The following AMN1 variants were observed in gnomAD, a reference collection of about 807,000 sequenced individuals.
The protein encoded by AMN1 is antagonist of mitotic exit network 1 homolog.
AMN1 carries 20 observed loss-of-function variants against 33.0 expected under a neutral mutation model. That is an observed-to-expected ratio of 0.61 (90% confidence interval 0.43 to 0.88). The LOEUF is 0.88. Among genes scored for constraint, AMN1 ranks in the 40% least tolerant of loss-of-function variants. The probability of loss-of-function intolerance (pLI) is 0.00; values close to 1 mark genes in which losing one functional copy is unlikely to be tolerated. For synonymous variants in AMN1, 114 were observed against 111.9 expected (o/e 1.02, Z -0.12); for missense variants, 246 against 307.4 (o/e 0.80, Z 1.49).
chr12:31,711,017 C>A (rs1397166101), intron 1 of AMN1, among the ~76,000 whole-genome samples: 5 of 152,064 alleles, frequency 3.3e-5, no homozygotes, highest in African/African-American at 4.8e-5. Flanking sequence ...TCAAGCAATT[C>A]TTCTGCCTCA....
intron 1 of AMN1, among the ~76,000 whole-genome samples, chr12:31,724,555 T>C (rs953777941): frequency 2.6e-5 from 4 of 152,214 alleles, no homozygotes; most frequent in African/African-American, 9.6e-5. Flanking sequence ...TTTTTTACCA[T>C]GGTTGACTGC....
intron 5 of AMN1, among the ~76,000 whole-genome samples, chr12:31,692,612 C>T (rs1048055989): frequency 6.6e-6 from 1 of 151,884 alleles, no homozygotes. Context: ...CCTATTAATC[C>T]ATTTGTTCCA....
At chr12:31,706,311 CAAAAAA>C (rs3032986) in intron 2 of AMN1, among the ~76,000 whole-genome samples, 275 of 65,996 alleles carry the variant, frequency 4.2e-3, no homozygotes, top group African/African-American at 7.4e-3. Flanking sequence ...GACTCCGTCT[CAAAAAA>C]AAAAAAAAAA....
chr12:31,720,386 C>T (rs1939836908), intron 1 of AMN1, among the ~76,000 whole-genome samples: 1 of 152,032 alleles, frequency 6.6e-6, no homozygotes, highest in African/African-American at 2.4e-5. Flanking sequence ...ACCAAAAATA[C>T]AAAATTAGCC....
chr12:31,728,591 A>G (rs965579239), intron 1 of AMN1, among the ~76,000 whole-genome samples: 1 of 152,158 alleles, frequency 6.6e-6, no homozygotes, highest in Non-Finnish European at 1.5e-5. Context: ...TATTCCAGTT[A>G]CAGGGGTGGA....
intron 6 of AMN1, among the ~76,000 whole-genome samples, chr12:31,686,255 G>A (rs1287935601): frequency 6.6e-6 from 1 of 152,096 alleles, no homozygotes; most frequent in Non-Finnish European, 1.5e-5. Context: ...AGACCAGCCT[G>A]GCCAACATGG....
chr12:31,678,937 T>TA (rs908290479), intron 6 of AMN1, among the ~76,000 whole-genome samples: 1 of 151,762 alleles, frequency 6.6e-6, no homozygotes, highest in Non-Finnish European at 1.5e-5. Context: ...AAATATGAAA[T>TA]AAAAAAATGA....
chr12:31,678,609 C>A (rs1233261055), intron 6 of AMN1, among the ~76,000 whole-genome samples: 1 of 152,142 alleles, frequency 6.6e-6, no homozygotes, highest in Non-Finnish European at 1.5e-5. Flanking sequence ...ATTGGCCAGG[C>A]TGGTCTCGAA....
Position 31,672,388 on chromosome 12 carries a change from A to G in AMN1, c.704-11T>C. 6.5e-7 allele frequency: 1 copy of G among 1,538,838 alleles called. No individual in the cohort carries two copies. On this transcript the variant is annotated splice_polypyrimidine_tract_variant and intron_variant, in intron 6 of 6. Coordinates refer to ENST00000281471, the MANE Select transcript of AMN1 (RefSeq NM_001113402.2). ...CTTCTCGGGAATGATCTATAAAAGAAAACAATGACAATATATTAATTGACA... is the reference window on the plus strand; with the variant it reads ...CTTCTCGGGAATGATCTATAAAAGAGAACAATGACAATATATTAATTGACA...
chr12:31,697,682 A>T lies in AMN1; in HGVS notation c.534+58T>A, dbSNP rs74085158. The stretch of plus-strand genomic sequence containing the variant: ...TCCTTATGATATGTTCTCATTAGTC[A>T]TGAAAATACATTTGGTAAACACATA... On this transcript the variant is annotated intron_variant, in intron 4 of 6. Coordinates refer to ENST00000281471, the MANE Select transcript of AMN1 (RefSeq NM_001113402.2). 1.7e-3 allele frequency: 2,572 copies of T among 1,537,478 alleles called. 40 individuals are homozygous for T. In the African/African-American group the frequency reaches 0.031, roughly 18 times the overall value.
chr12:31,723,152 C>T (rs922585103), intron 1 of AMN1, among the ~76,000 whole-genome samples: 12 of 151,942 alleles, frequency 7.9e-5, no homozygotes, highest in African/African-American at 2.2e-4. Context: ...AGTGAGACCT[C>T]GTCTCAAAAA....
chr12:31,697,091 AATAAG>A (rs1216924735), intron 5 of AMN1, among the ~76,000 whole-genome samples: 1 of 152,170 alleles, frequency 6.6e-6, no homozygotes, highest in Non-Finnish European at 1.5e-5. Flanking sequence ...CTTCATCCAT[AATAAG>A]ATGATTCTTA....
chr12:31,698,145 G>A (rs1335747329), intron 3 of AMN1, among the ~76,000 whole-genome samples, 188 bp from the exon 4 acceptor site: 1 of 152,138 alleles, frequency 6.6e-6, no homozygotes, highest in South Asian at 2.1e-4. Flanking sequence ...GAATGTTTCA[G>A]GAATTCTCTA....
intron 1 of AMN1, among the ~76,000 whole-genome samples, chr12:31,721,176 TG>T (rs1939865866): frequency 6.6e-6 from 1 of 152,156 alleles, no homozygotes; most frequent in Non-Finnish European, 1.5e-5. Flanking sequence ...GTGAGGATGA[TG>T]GGGTGCTGGG....
At chr12:31,715,043 A>C (rs772200464) in intron 1 of AMN1, 8 of 353,764 alleles carry the variant, frequency 2.3e-5, no homozygotes, top group Non-Finnish European at 2.8e-5. Flanking sequence ...TCTTTTCACA[A>C]ATATGTTTCA....
intron 6 of AMN1, among the ~76,000 whole-genome samples, chr12:31,681,043 G>C (rs1937987157): frequency 1.3e-5 from 2 of 152,164 alleles, no homozygotes; most frequent in African/African-American, 4.8e-5. Context: ...TATCATTATA[G>C]AAGATTTAGG....
intron 6 of AMN1, among the ~76,000 whole-genome samples, chr12:31,688,535 C>T (rs1174003278): frequency 6.6e-6 from 1 of 152,118 alleles, no homozygotes; most frequent in Non-Finnish European, 1.5e-5. Context: ...AGGCCGGGCG[C>T]GGCAGCTAAC....
rs1752220818 is a variant in AMN1 at position 31,672,113 on chromosome 12, A to G, written c.*191T>C. The stretch of plus-strand genomic sequence containing the variant: ...ACAGATATAGAATAATAGCACTTTA[A>G]AGATGTTTAAGAGTAAAGCACAAAC... On this transcript the variant is annotated 3_prime_UTR_variant, in exon 7 of 7. Transcript: ENST00000281471. 2.0e-6 allele frequency: 1 copy of G among 509,722 alleles called. No individual in the cohort carries two copies. Among genetic ancestry groups the G allele is most frequent in the Admixed American group, 3.4e-5 (1 of 29,672 alleles). The allele number at this position is 509,722 out of a possible 1,614,324, so 31.6% of individuals were successfully genotyped here.
Position 31,683,688 on chromosome 12 carries a change from A to G in AMN1, c.703+5319T>C, listed in dbSNP as rs927565522. On this transcript the variant is annotated intron_variant, in intron 6 of 6. Transcript: ENST00000281471. This position sits in a 1 kb window ranked among gnomAD's most constrained non-coding sequence, Gnocchi z 4.1. ...TAAGACGTGCCTTTCGCCTTCAGCCATGATTGTGAGGCTTCCCCAGCCACG... is the reference window on the plus strand; with the variant it reads ...TAAGACGTGCCTTTCGCCTTCAGCCGTGATTGTGAGGCTTCCCCAGCCACG... Among the ~76,000 whole-genome samples, 6 of 152,182 alleles carry G rather than the reference A, an allele frequency of 3.9e-5. No homozygotes were observed. Among genetic ancestry groups the G allele is most frequent in the African/African-American group, 1.4e-4 (6 of 41,440 alleles).
Sources: gnomAD v4.1 joint callset for allele counts (sites outside exome capture counted in the v4.1 genomes callset) on GRCh38, gnomAD v4.1.1 for gene constraint, Gnocchi (gnomAD v3.1) non-coding constraint, MANE v1.5 for transcripts, NCBI Gene and HGNC (gene_info 2026-07-23, HGNC 2026-07-21) for gene names.